The following CDH13 variants were observed in gnomAD, a reference collection of about 807,000 sequenced individuals.
CDH13 encodes the protein cadherin-13.
CDH13 carries 24 observed loss-of-function variants against 63.8 expected under a neutral mutation model. That is an observed-to-expected ratio of 0.38 (90% CI 0.27 to 0.53). The LOEUF is 0.53. Ranked by LOEUF, CDH13 falls within the 20% of genes least tolerant of loss-of-function variation. CDH13 has a pLI of 0.85. For synonymous variants in CDH13, 503 were observed against 355.3 expected (o/e 1.42, Z -4.67); for missense variants, 1,049 against 903.1 (o/e 1.16, Z -2.07).
chr16:83,455,069 C>T (rs77067368), intron 6 of CDH13, among the ~76,000 whole-genome samples: 5 of 152,146 alleles, frequency 3.3e-5, no homozygotes, highest in African/African-American at 7.2e-5. Flanking sequence ...TCTTTAAAAT[C>T]GGAGCCATTG....
chr16:83,031,686 A>G (rs1916367165), intron 2 of CDH13, among the ~76,000 whole-genome samples: 1 of 152,008 alleles, frequency 6.6e-6, no homozygotes, highest in African/African-American at 2.4e-5. Context: ...TCACCCACAC[A>G]TGCCAGGATT....
chr16:82,882,667 T>TC (rs1282827572), intron 2 of CDH13, among the ~76,000 whole-genome samples: 13 of 152,166 alleles, frequency 8.5e-5, no homozygotes, highest in African/African-American at 2.9e-4. Context: ...TCTCCCTTTT[T>TC]CCCTCTCTCT....
intron 7 of CDH13, among the ~76,000 whole-genome samples, chr16:83,601,214 C>T (rs558130934): frequency 6.6e-5 from 10 of 152,192 alleles, no homozygotes; most frequent in South Asian, 6.2e-4. Flanking sequence ...AAAGGAAATG[C>T]GGGGTGCTGC....
At chr16:83,359,407 C>T (rs1194187734) in intron 6 of CDH13, among the ~76,000 whole-genome samples, 1 of 152,160 alleles carries the variant, frequency 6.6e-6, no homozygotes, top group Non-Finnish European at 1.5e-5. Context: ...GTCACAAATA[C>T]TGGCAGCCAG....
At chr16:83,221,768 T>A (rs149196612) in intron 5 of CDH13, among the ~76,000 whole-genome samples, 1 of 151,984 alleles carries the variant, frequency 6.6e-6, no homozygotes, top group Non-Finnish European at 1.5e-5. Flanking sequence ...TTCACACTGA[T>A]CTGTTGTCCA....
intron 8 of CDH13, among the ~76,000 whole-genome samples, chr16:83,670,520 T>A (rs1914405210): frequency 6.6e-6 from 1 of 151,064 alleles, no homozygotes; most frequent in African/African-American, 2.5e-5. Flanking sequence ...GCACAGCTGT[T>A]CTTTTCACCC....
intron 2 of CDH13, among the ~76,000 whole-genome samples, chr16:82,895,426 C>T (rs2041219561): frequency 6.6e-6 from 1 of 152,168 alleles, no homozygotes; most frequent in Non-Finnish European, 1.5e-5. Context: ...TAACTTCCTG[C>T]TAGTCTTTTC....
At chr16:82,718,135 T>C (rs1403503919) in intron 1 of CDH13, among the ~76,000 whole-genome samples, 1 of 152,128 alleles carries the variant, frequency 6.6e-6, no homozygotes, top group Non-Finnish European at 1.5e-5. Context: ...CAGCCAGTGA[T>C]GGGAGTTGCT....
At chr16:83,544,458 A>G (rs2075347686) in intron 7 of CDH13, among the ~76,000 whole-genome samples, 1 of 152,128 alleles carries the variant, frequency 6.6e-6, no homozygotes, top group Admixed American at 6.5e-5. Context: ...AACCTGCTAA[A>G]CGCCATAGCT....
At chr16:83,146,825 C>T (rs575182524) in intron 4 of CDH13, among the ~76,000 whole-genome samples, 15 of 152,296 alleles carry the variant, frequency 9.8e-5, no homozygotes, top group South Asian at 4.1e-4. Flanking sequence ...TGGTGGCTCA[C>T]GCCTGTAATT....
rs142375897 is a variant in CDH13 at position 83,381,844 on chromosome 16, C to G, written c.781+36838C>G. On this transcript the variant is annotated intron_variant, in intron 6 of 13. Coordinates refer to ENST00000567109, the MANE Select transcript of CDH13 (RefSeq NM_001257.5). ...CTTTTAGAGACAGACTGAAGTCTAA[C>G]AAGTTGCTCCTTATACTTGAATTCA... Among the ~76,000 whole-genome samples, 1,288 of 152,214 alleles carry G rather than the reference C, an allele frequency of 8.5e-3. 15 individuals are homozygous for G. The highest frequency in any genetic ancestry group is 0.052 in the East Asian group (271 of 5,174).
At chr16:83,248,854 A>T (rs1032452025) in intron 5 of CDH13, among the ~76,000 whole-genome samples, 2 of 152,154 alleles carry the variant, frequency 1.3e-5, no homozygotes, top group Non-Finnish European at 2.9e-5. Flanking sequence ...AGTGTAGGCA[A>T]TTGTCCACTT....
intron 2 of CDH13, among the ~76,000 whole-genome samples, chr16:82,916,328 C>A (rs1213835895): frequency 6.6e-6 from 1 of 152,196 alleles, no homozygotes; most frequent in African/African-American, 2.4e-5. Context: ...GTAATCCCAG[C>A]ACTTTGGGAG....
intron 10 of CDH13, among the ~76,000 whole-genome samples, chr16:83,697,358 T>A (rs1317612552): frequency 6.6e-6 from 1 of 152,232 alleles, no homozygotes; most frequent in African/African-American, 2.4e-5. Context: ...GCACGTTTTG[T>A]TCGCAATTTT....
chr16:83,380,996 A>G (rs78867897), intron 6 of CDH13, among the ~76,000 whole-genome samples: 16,430 of 152,104 alleles, frequency 0.11, 1,155 homozygotes, highest in Non-Finnish European at 0.16. Flanking sequence ...CTATGTTTCT[A>G]TAATTAAATA....
At chr16:82,760,884 G>A (rs1041399007) in intron 1 of CDH13, among the ~76,000 whole-genome samples, 12 of 151,950 alleles carry the variant, frequency 7.9e-5, no homozygotes, top group African/African-American at 2.7e-4. Context: ...AGATCTTGCA[G>A]TAACTAATAG....
chr16:82,789,794 G>C (rs191596717), intron 1 of CDH13, among the ~76,000 whole-genome samples: 9 of 152,244 alleles, frequency 5.9e-5, no homozygotes, highest in Admixed American at 5.2e-4. Flanking sequence ...TTCAGATTTT[G>C]AGAGCCTTCA....
At chr16:83,361,554 C>T (rs1257450287) in intron 6 of CDH13, among the ~76,000 whole-genome samples, 1 of 152,128 alleles carries the variant, frequency 6.6e-6, no homozygotes, top group African/African-American at 2.4e-5. Flanking sequence ...AGGATTCTTA[C>T]AGTTTGAGGT....
chr16:82,631,843 G>C (rs1908044140), intron 1 of CDH13, among the ~76,000 whole-genome samples: 1 of 152,122 alleles, frequency 6.6e-6, no homozygotes, highest in Non-Finnish European at 1.5e-5. Flanking sequence ...GGTCTGTGGA[G>C]GTGAATGTGT....
Sources: allele counts gnomAD v4.1 joint callset (sites outside exome capture counted in the v4.1 genomes callset), GRCh38; gene constraint gnomAD v4.1.1; transcripts MANE v1.5; gene names NCBI Gene and HGNC (gene_info 2026-07-23, HGNC 2026-07-21).